Variants in MARK3 observed in about 807,000 individuals in gnomAD.
MARK3 encodes the protein MAP/microtubule affinity-regulating kinase 3.
MARK3 carries 46 observed loss-of-function variants against 90.1 expected under a neutral mutation model. That is an observed-to-expected ratio of 0.51 (90% CI 0.40 to 0.65). The LOEUF is 0.65. Ranked by LOEUF, MARK3 falls within the 30% of genes least tolerant of loss-of-function variation. The probability of loss-of-function intolerance (pLI) is 0.00; values close to 1 mark genes in which losing one functional copy is unlikely to be tolerated. For missense variants in MARK3, 818 were observed against 947.2 expected, an observed-to-expected ratio of 0.86 and a Z score of 1.79; for synonymous variants, 321 against 332.6, an observed-to-expected ratio of 0.97 and a Z score of 0.38.
Position 103,405,280 on chromosome 14 carries a change from T to TA in MARK3, c.243+14dup. ...TACAGGCAGAGAGGTAAATACCAGT[T>TA]ATGCTTATTTCTGTTATGACAGTTG... On this transcript the variant is annotated intron_variant, in intron 2 of 17. Transcript: ENST00000429436. 1.3e-6 allele frequency: 2 copies of TA among 1,501,552 alleles called. No individual in the cohort carries two copies. Among genetic ancestry groups the TA allele is most frequent in the South Asian group, 1.3e-5 (1 of 74,642 alleles). The allele number at this position is 1,501,552 out of a possible 1,614,324, so 93.0% of individuals were successfully genotyped here.
chr14:103,474,654 C>G (rs1337507428), intron 12 of MARK3, among the ~76,000 whole-genome samples: 1 of 152,146 alleles, frequency 6.6e-6, no homozygotes, highest in African/African-American at 2.4e-5. Flanking sequence ...CTCAGATGTA[C>G]AAGATGAACT....
At chr14:103,492,912 T>A (rs1161382294) in intron 15 of MARK3, among the ~76,000 whole-genome samples, 1 of 152,198 alleles carries the variant, frequency 6.6e-6, no homozygotes, top group Admixed American at 6.5e-5. Flanking sequence ...TTTCAGGACA[T>A]CCTTGGAGAA....
intron 2 of MARK3, among the ~76,000 whole-genome samples, chr14:103,423,253 T>C (rs564739370): frequency 1.4e-5 from 2 of 139,556 alleles, no homozygotes; most frequent in Non-Finnish European, 3.1e-5. Flanking sequence ...GTTAACACTT[T>C]CAGAAACAGG....
At chr14:103,447,575 C>G (rs1460181535) in intron 3 of MARK3, among the ~76,000 whole-genome samples, 1 of 152,130 alleles carries the variant, frequency 6.6e-6, no homozygotes, top group East Asian at 1.9e-4. Flanking sequence ...CTTTTTCTTT[C>G]TTTTCCTGGT....
chr14:103,470,794 A>G (rs915260267), intron 12 of MARK3, among the ~76,000 whole-genome samples: 3 of 151,940 alleles, frequency 2.0e-5, no homozygotes, highest in Non-Finnish European at 4.4e-5. Flanking sequence ...TTCCATCTTA[A>G]TACTTTCATC....
intron 3 of MARK3, among the ~76,000 whole-genome samples, chr14:103,430,408 A>G (rs2092547453): frequency 8.6e-6 from 1 of 116,032 alleles, no homozygotes; most frequent in Non-Finnish European, 1.6e-5. Flanking sequence ...GCAACAATGT[A>G]GAATGTACCA....
rs546143747 is a variant in MARK3, at chr14:103,458,825, T to C, written c.483+1613T>C. On this transcript the variant is annotated intron_variant, in intron 6 of 17. Transcript: ENST00000429436. Reference sequence around the variant, plus strand: ...GTGATAGGACTTATTAAGTTTCTTATAAACGTTGCTTATATTTTGCTGTTG... The same window carrying C: ...GTGATAGGACTTATTAAGTTTCTTACAAACGTTGCTTATATTTTGCTGTTG... 10 of 635,168 alleles carry C rather than the reference T, an allele frequency of 1.6e-5. No homozygotes were observed. In the South Asian group the frequency reaches 1.9e-4, roughly 12 times the overall value. The allele number at this position is 635,168 out of a possible 1,614,324, so 39.3% of individuals were successfully genotyped here.
At chr14:103,492,092 CTT>C in intron 15 of MARK3, 58 bp downstream of exon 15, 1 of 1,571,300 alleles carries the variant, frequency 6.4e-7, no homozygotes, top group South Asian at 1.2e-5. Context: ...GGAAAGATGT[CTT>C]TTTTGTTGTG....
At chr14:103,427,949 C>T (rs902860263) in intron 2 of MARK3, among the ~76,000 whole-genome samples, 6 of 152,130 alleles carry the variant, frequency 3.9e-5, no homozygotes, top group African/African-American at 1.4e-4. Flanking sequence ...TGCCTGACTT[C>T]CTGGGAATGC....
chr14:103,436,761 A>G (rs1370795701), intron 3 of MARK3, among the ~76,000 whole-genome samples: 1 of 152,146 alleles, frequency 6.6e-6, no homozygotes, highest in Non-Finnish European at 1.5e-5. Flanking sequence ...TATAGGCATG[A>G]GTCACCACCC....
In MARK3 at chr14:103,466,061, G is replaced by C; in HGVS notation, c.867G>C (p.Val289=). 6.2e-7 allele frequency: 1 copy of C among 1,613,954 alleles called. No homozygotes were observed. Among genetic ancestry groups the C allele is most frequent in the South Asian group, 1.1e-5 (1 of 91,058 alleles). ...DCENLLKRFL[V]LNPIKRGTLE... ...AAAACCTTCTCAAACGTTTCCTGGT[G>C]CTAAATCCAATTAAACGCGGCACTC... The change falls in exon 9 of 18, where the codon GTG becomes GTC. Residue 289 remains valine, a synonymous_variant. Coordinates refer to ENST00000429436, the MANE Select transcript of MARK3 (RefSeq NM_001128918.3).
chr14:103,428,037 A>G (rs1235780974), intron 2 of MARK3, among the ~76,000 whole-genome samples: 1 of 152,058 alleles, frequency 6.6e-6, no homozygotes, highest in African/African-American at 2.4e-5. Context: ...CTTCTGACAT[A>G]TTTCCCCCCT....
At chr14:103,485,063 C>CA (rs34312214) in intron 14 of MARK3, among the ~76,000 whole-genome samples, 2,130 of 97,736 alleles carry the variant, frequency 0.022, 97 homozygotes, top group African/African-American at 0.075. Context: ...ACTAAAAATA[C>CA]AAAAAAAAAA....
intron 7 of MARK3, among the ~76,000 whole-genome samples, chr14:103,462,965 C>A (rs1270491208): frequency 6.6e-6 from 1 of 152,138 alleles, no homozygotes; most frequent in East Asian, 1.9e-4. Flanking sequence ...CACCTACCCC[C>A]ATCCATCACT....
At chr14:103,492,716 G>A (rs1196606024) in intron 15 of MARK3, among the ~76,000 whole-genome samples, 1 of 152,014 alleles carries the variant, frequency 6.6e-6, no homozygotes, top group African/African-American at 2.4e-5. Context: ...TAGCATCTGG[G>A]GCCTCAGTAA....
At chr14:103,450,914 G>T (rs1395131292) in intron 4 of MARK3, among the ~76,000 whole-genome samples, 2 of 61,538 alleles carry the variant, frequency 3.3e-5, no homozygotes, top group Non-Finnish European at 3.4e-5. Context: ...GTGTGTGTGT[G>T]TGTATTCTTT....
intron 5 of MARK3, among the ~76,000 whole-genome samples, chr14:103,456,915 T>A (rs1011149078): frequency 6.6e-6 from 1 of 152,232 alleles, no homozygotes; most frequent in Non-Finnish European, 1.5e-5. Flanking sequence ...TTATATAATT[T>A]AAGTATAGGG....
Position 103,449,875 on chromosome 14 carries a change from T to G in MARK3, c.346+908T>G, listed in dbSNP as rs1232988013. Among the ~76,000 whole-genome samples, 7 of 152,232 alleles carry G rather than the reference T, an allele frequency of 4.6e-5. No individual in the cohort carries two copies. The East Asian group carries it at 1.3e-3, about 29-fold the overall frequency. On this transcript the variant is annotated intron_variant, in intron 4 of 17. Coordinates refer to ENST00000429436, the MANE Select transcript of MARK3 (RefSeq NM_001128918.3). ...AGACAGCCCATAATCAGCTTAACTG[T>G]CAACATCAGTTTTAGGAAATGAAAG...
chr14:103,406,662 G>C (rs1460853417), intron 2 of MARK3, among the ~76,000 whole-genome samples: 1 of 147,546 alleles, frequency 6.8e-6, no homozygotes, highest in South Asian at 2.1e-4. Context: ...GAGTGCAGTG[G>C]TGCAATCTCG....
Sources: allele counts gnomAD v4.1 joint callset (sites outside exome capture counted in the v4.1 genomes callset), GRCh38; gene constraint gnomAD v4.1.1; transcripts MANE v1.5; gene names NCBI Gene and HGNC (gene_info 2026-07-23, HGNC 2026-07-21).